TTN: variants seen among roughly 807,000 people sequenced by gnomAD.
The protein encoded by TTN is titin.
Under a neutral mutation model 3,223.0 loss-of-function variants are expected in TTN, and 1,525 were observed. That is an observed-to-expected ratio of 0.47 (90% CI 0.45 to 0.49). The LOEUF is 0.49. Ranked by LOEUF, TTN falls within the 20% of genes least tolerant of loss-of-function variation. The probability of loss-of-function intolerance (pLI) is 0.00; values close to 1 mark genes in which losing one functional copy is unlikely to be tolerated. For missense variants in TTN, 40,786 were observed against 43,424.0 expected (o/e 0.94, Z 5.40); for synonymous variants, 14,094 against 15,161.0 (o/e 0.93, Z 5.17).
chr2:178,668,329 G>A (rs2066333615), intron 159 of TTN, among the ~76,000 whole-genome samples: 1 of 152,132 alleles, frequency 6.6e-6, no homozygotes, highest in Non-Finnish European at 1.5e-5. Flanking sequence ...GTCAAGAATA[G>A]AAAGGATATT....
chr2:178,642,478 A>C (rs1258379698), intron 218 of TTN, among the ~76,000 whole-genome samples, 161 bp from the exon 219 acceptor site: 1 of 152,026 alleles, frequency 6.6e-6, no homozygotes, highest in East Asian at 1.9e-4. Context: ...ATACATTTCA[A>C]GTTATCTCCT....
chr2:178,634,370 G>T lies in TTN; in HGVS notation c.42411C>A (p.Val14137=). The change falls in exon 230 of 363, where the codon GTC becomes GTA. Residue 14137 remains valine, a synonymous_variant. Transcript: ENST00000589042. This position sits in a 1 kb window ranked among gnomAD's most constrained non-coding sequence, Gnocchi z 4.6. ...AGATCTCATTAGCTCGCTTACCTGTGACAAACAACCGAGCTGAGGTCTTCT... is the reference window on the plus strand; with the variant it reads ...AGATCTCATTAGCTCGCTTACCTGTTACAAACAACCGAGCTGAGGTCTTCT... ...EGKKTSARLF[V]TGIRLKFMSP... 6.2e-7 allele frequency: 1 copy of T among 1,603,318 alleles called. No individual in the cohort carries two copies. The highest frequency in any genetic ancestry group is 1.1e-5 in the South Asian group (1 of 88,626).
rs1301248221 is a variant in TTN at position 178,731,889 on chromosome 2, G to A, written c.16986C>T (p.Gly5662=). 6.2e-7 allele frequency: 1 copy of A among 1,613,704 alleles called. No individual in the cohort carries two copies. The highest frequency in any genetic ancestry group is 8.5e-7 in the Non-Finnish European group (1 of 1,179,728). ...YDVMLLAEVA[G]TPPFEITWFK... ...ACCAAGTGATCTCAAAGGGAGGAGT[G>A]CCTGCCACCTCAGCCAGCAACATGA... Residue 5662 remains glycine, a synonymous_variant, in exon 58 of 363, where the codon GGC becomes GGT. Transcript: ENST00000589042.
intron 242 of TTN, among the ~76,000 whole-genome samples, chr2:178,623,934 C>T (rs1230912160): frequency 6.6e-6 from 1 of 151,924 alleles, no homozygotes; most frequent in Non-Finnish European, 1.5e-5. Flanking sequence ...ACTCCATCTT[C>T]TTATCCATTC....
chr2:178,679,840 C>A (rs900708569), intron 140 of TTN, 54 bp downstream of exon 140: 1 of 1,600,718 alleles, frequency 6.2e-7, no homozygotes. Context: ...CCAAATCAGA[C>A]CCCCAAACTC....
Position 178,713,238 on chromosome 2 carries a change from T to C in TTN, c.26896A>G (p.Ile8966Val). 6.2e-7 allele frequency: 1 copy of C among 1,613,294 alleles called. No individual in the cohort carries two copies. The highest frequency in any genetic ancestry group is 8.5e-7 in the Non-Finnish European group (1 of 1,179,586). ...SVSWFHEGNEISSGRKYQTTL... is the reference protein window; with the variant it reads ...SVSWFHEGNEVSSGRKYQTTL... Reference sequence around the variant, plus strand: ...GTCTGGTATTTCCTTCCACTACTGATCTCATTTCCTTCATGGAACCAGGAG... The same window carrying C: ...GTCTGGTATTTCCTTCCACTACTGACCTCATTTCCTTCATGGAACCAGGAG... Residue 8966 changes from isoleucine (I) to valine (V), a missense_variant, in exon 93 of 363, where the codon ATC becomes GTC. By Grantham distance (29) the Ile-to-Val change is conservative. Coordinates refer to ENST00000589042, the MANE Select transcript of TTN (RefSeq NM_001267550.2).
In TTN at chr2:178,689,003, A is replaced by ATTTTT. The variant is rs35770337; in HGVS notation, c.32095+45_32095+49dup. The ATTTTT allele has an allele frequency of 2.8e-4, 280 of 1,006,724 alleles. 21 individuals carry two copies. Among genetic ancestry groups the ATTTTT allele is most frequent in the Admixed American group, 1.0e-3 (48 of 45,780 alleles). 62.4% of individuals were successfully genotyped at this position (1,006,724 alleles called of 1,614,324 possible). A position where few individuals can be genotyped will look rare whatever the true frequency, so the allele number is the denominator to read the frequency against. On this transcript the variant is annotated intron_variant, in intron 125 of 362. Coordinates refer to ENST00000589042, the MANE Select transcript of TTN (RefSeq NM_001267550.2). ...AAGCAAGAATTTAACACACTCGAAG[A>ATTTTT]TTTTTTTTTTTTTTTTTTTTTTTTG...
chr2:178,618,407 T>TTA lies in TTN; in HGVS notation c.47050_47051insTA (p.Asp15684ValfsTer8). ...GTAACCTATGATTTTGCTTCCACCA[T>TTA]CAGTTAAAGGTTCTTCCCAAGCAAG... On this transcript the variant is annotated frameshift_variant, in exon 252 of 363. Coordinates refer to ENST00000589042, the MANE Select transcript of TTN (RefSeq NM_001267550.2). LOFTEE classifies it high-confidence loss of function. 6.2e-7 allele frequency: 1 copy of TTA among 1,612,488 alleles called. No individual in the cohort carries two copies.
rs572254931 is a variant in TTN at position 178,533,210 on chromosome 2, G to T, written c.103405C>A (p.His34469Asn). The change falls in exon 358 of 363, where the codon CAT becomes AAT. Residue 34469 changes from histidine (H) to asparagine (N), a missense_variant. Transcript: ENST00000589042. ...KKQEFKSKEE[H>N]ERHVQKQIDK... The stretch of plus-strand genomic sequence containing the variant: ...ATTTGTTTTTGTACGTGTCGCTCAT[G>T]CTCCTCCTTACTCTTGAATTCCTGT... 11 of 1,613,908 alleles carry T rather than the reference G, an allele frequency of 6.8e-6. No homozygotes were observed. The South Asian group carries it at 1.2e-4, about 18-fold the overall frequency.
At position 178,771,208 on chromosome 2, in the gene TTN, T is replaced by C; in HGVS notation, c.8116+3A>G. 6.2e-7 allele frequency: 1 copy of C among 1,613,982 alleles called. No homozygotes were observed. Among genetic ancestry groups the C allele is most frequent in the Non-Finnish European group, 8.5e-7 (1 of 1,179,980 alleles). ...TGAAAAGGACAAATCCTATGTTACT[T>C]GCCTTCAACTTTGAGTTTGGCAGAT... On this transcript the variant is annotated splice_donor_region_variant and intron_variant, in intron 34 of 362. Transcript: ENST00000589042.
intron 223 of TTN, 49 bp from the exon 224 acceptor site, chr2:178,637,468 C>A: frequency 8.1e-7 from 1 of 1,227,284 alleles, no homozygotes; most frequent in Non-Finnish European, 1.1e-6. Flanking sequence ...GGACTTATTT[C>A]ATGTTTAATA....
At position 178,572,025 on chromosome 2, in the gene TTN, G is replaced by A; in HGVS notation, c.74107C>T (p.Leu24703=). The A allele has an allele frequency of 6.2e-7, 1 of 1,613,236 alleles. No homozygotes were observed. The highest frequency in any genetic ancestry group is 8.5e-7 in the Non-Finnish European group (1 of 1,179,556). ...NEKGISDPRQ[L]SVPVIAKDLV... ...TCTTTGGCGATCACTGGCACACTCA[G>A]TTGTCTAGGATCACTGATGCCCTTT... Residue 24703 remains leucine, a synonymous_variant, in exon 326 of 363, where the codon CTG becomes TTG. Coordinates refer to ENST00000589042, the MANE Select transcript of TTN (RefSeq NM_001267550.2).
rs773198280 is a variant in TTN at position 178,544,465 on chromosome 2, T to C, written c.95764A>G (p.Thr31922Ala). The change falls in exon 345 of 363, where the codon ACC becomes GCC. Residue 31922 changes from threonine to alanine, a missense_variant. By Grantham distance (58) the Thr-to-Ala change is moderately conservative. Transcript: ENST00000589042. ...CATGCCAAACTAATGCTGTGTTTGG[T>C]GGTATCCACAACTCTTGGAGCAGAA... ...PPSAPRVVDT[T>A]KHSISLAWTK... is the part of the protein sequence containing the mutation. 1.2e-6 allele frequency: 2 copies of C among 1,611,548 alleles called. No homozygotes were observed. Among genetic ancestry groups the C allele is most frequent in the African/African-American group, 1.3e-5 (1 of 74,862 alleles).
At position 178,547,424 on chromosome 2, in the gene TTN, A is replaced by G. The variant is rs879001552; in HGVS notation, c.94202T>C (p.Ile31401Thr). 6 of 1,601,254 alleles carry G rather than the reference A, an allele frequency of 3.7e-6. No homozygotes were observed. The highest frequency in any genetic ancestry group is 1.3e-5 in the African/African-American group (1 of 74,616). ...TTTCTTACCAAATGGATGTTCAGCA[A>G]TTATTGGTGCTGATTCTAGAGGTTT... Reference protein sequence around the residue: ...VSKPLESAPIIAEHPFVPPSA... With the variant: ...VSKPLESAPITAEHPFVPPSA... Residue 31401 changes from isoleucine to threonine, a missense_variant, in exon 339 of 363, where the codon ATT (isoleucine) becomes ACT (threonine). Coordinates refer to ENST00000589042, the MANE Select transcript of TTN (RefSeq NM_001267550.2).
Position 178,543,056 on chromosome 2 carries a change from A to AT in TTN, c.96904+12dup. 1 of 1,455,032 alleles carries AT rather than the reference A, an allele frequency of 6.9e-7. No individual in the cohort carries two copies. The allele number at this position is 1,455,032 out of a possible 1,614,324, so 90.1% of individuals were successfully genotyped here. On this transcript the variant is annotated intron_variant, in intron 347 of 362. Transcript: ENST00000589042. ...CTTTACTTTTTTTTTTTTTTTGGCT[A>AT]TTTGGTACATACCTCTGAGGTCTTG... is the stretch of plus-strand genomic sequence containing the variant.
Position 178,640,643 on chromosome 2 carries a change from A to T in TTN, c.40634-13T>A, listed in dbSNP as rs1009228599. On this transcript the variant is annotated splice_polypyrimidine_tract_variant and intron_variant, in intron 220 of 362. Transcript: ENST00000589042. ...GGTGGTTCTGGTACTTTAAGATAAGATTATTTTTTCAGTGTTAATATTTGA... is the reference window on the plus strand; with the variant it reads ...GGTGGTTCTGGTACTTTAAGATAAGTTTATTTTTTCAGTGTTAATATTTGA... The T allele has an allele frequency of 6.4e-7, 1 of 1,557,218 alleles. No homozygotes were observed. Among genetic ancestry groups the T allele is most frequent in the Non-Finnish European group, 8.6e-7 (1 of 1,156,480 alleles).
rs1694451017 is a variant in TTN, at chr2:178,541,423, C to T, written c.97654G>A (p.Val32552Ile). The T allele has an allele frequency of 6.2e-7, 1 of 1,613,378 alleles. No individual in the cohort carries two copies. Among genetic ancestry groups the T allele is most frequent in the Non-Finnish European group, 8.5e-7 (1 of 1,179,564 alleles). The change falls in exon 350 of 363, where the codon GTA becomes ATA. Residue 32552 changes from valine to isoleucine, a missense_variant. Transcript: ENST00000589042. ...RADRWVRVNK[V>I]PVTMTRYRST... ...CGGTACCGTGTCATTGTCACAGGTA[C>T]TTTATTTACACGGACCCATCGATCT...
At position 178,735,882 on chromosome 2, in the gene TTN, G is replaced by A; in HGVS notation, c.14564C>T (p.Ser4855Leu). The stretch of plus-strand genomic sequence containing the variant: ...TCCTCTATCTTGAATGGTAAGGTTT[G>A]AGAGTTCTAAAATGTGTTTGTTTTC... ...DAENKHILEL[S>L]NLTIQDRGVY... The change falls in exon 50 of 363, where the codon TCA (serine) becomes TTA (leucine). Residue 4855 changes from serine to leucine, a missense_variant. Transcript: ENST00000589042. 2 of 1,613,908 alleles carry A rather than the reference G, an allele frequency of 1.2e-6. No individual in the cohort carries two copies. Among genetic ancestry groups the A allele is most frequent in the Non-Finnish European group, 1.7e-6 (2 of 1,179,822 alleles).
At chr2:178,635,942 A>G (rs1369429299) in intron 226 of TTN, 21 bp downstream of exon 226, 2 of 1,557,228 alleles carry the variant, frequency 1.3e-6, no homozygotes, top group East Asian at 2.3e-5. Context: ...GCAGAACGAA[A>G]TCTCCCAGGA....
Sources: gnomAD v4.1 joint callset for allele counts (sites outside exome capture counted in the v4.1 genomes callset) on GRCh38, gnomAD v4.1.1 for gene constraint, Gnocchi (gnomAD v3.1) non-coding constraint, MANE v1.5 for transcripts, NCBI Gene and HGNC (gene_info 2026-07-23, HGNC 2026-07-21) for gene names.